Variants in MSRA observed in about 807,000 individuals in gnomAD.
MSRA encodes the protein mitochondrial peptide methionine sulfoxide reductase.
MSRA carries 54 observed loss-of-function variants against 31.3 expected under a neutral mutation model. The ratio of observed to expected loss-of-function variants is 1.73; its 90% CI spans 1.39 to 2.17. MSRA has a LOEUF of 2.17. MSRA is among the 30% of genes most tolerant of loss of function. The pLI is 0.00. For missense variants in MSRA, 507 were observed against 300.9 expected (o/e 1.69, Z -5.07); for synonymous variants, 169 against 116.5 (o/e 1.45, Z -2.90).
Position 10,219,805 on chromosome 8 carries a change from C to CAAAAAAAAAAAAAA in MSRA, c.211+11904_211+11905insAAAAAAAAAAAAAA, listed in dbSNP as rs202000887. Among the ~76,000 whole-genome samples, 6 of 46,072 alleles carry CAAAAAAAAAAAAAA rather than the reference C, an allele frequency of 1.3e-4. 1 individual carries two copies. Among genetic ancestry groups the CAAAAAAAAAAAAAA allele is most frequent in the African/African-American group, 1.0e-3 (6 of 6,000 alleles). The allele number at this position is 46,072 out of a possible 152,430, so 30.2% of individuals were successfully genotyped here. A position where few individuals can be genotyped will look rare whatever the true frequency, so the allele number is the denominator to read the frequency against. On this transcript the variant is annotated intron_variant, in intron 2 of 5. Coordinates refer to ENST00000317173, the MANE Select transcript of MSRA (RefSeq NM_012331.5). ...TGGACGACAGATCGAGACTCTGTCTCCAAAAAAAAAAAAAAAAAAAAAAGA... is the reference window on the plus strand; with the variant it reads ...TGGACGACAGATCGAGACTCTGTCTCAAAAAAAAAAAAAACAAAAAAAAAAAAAAAAAAAAAAGA...
intron 1 of MSRA, among the ~76,000 whole-genome samples, chr8:10,185,408 G>A (rs899359080): frequency 6.6e-6 from 1 of 152,142 alleles, no homozygotes; most frequent in African/African-American, 2.4e-5. Context: ...TAGGCAAAAC[G>A]ATCTGATGAT....
intron 1 of MSRA, among the ~76,000 whole-genome samples, chr8:10,071,458 C>CTTTTTTTTTTT (rs77512999): frequency 8.5e-5 from 11 of 129,264 alleles, no homozygotes; most frequent in Non-Finnish European, 1.1e-4. Flanking sequence ...TTTTAATTTT[C>CTTTTTTTTTTT]TTTTTTTTTT....
chr8:10,124,803 TAATTG>T (rs1428299903), intron 1 of MSRA, among the ~76,000 whole-genome samples: 1 of 134,760 alleles, frequency 7.4e-6, no homozygotes, highest in East Asian at 2.9e-4. Flanking sequence ...TCAGTAAAAA[TAATTG>T]AATTAAATTG....
intron 5 of MSRA, among the ~76,000 whole-genome samples, chr8:10,321,335 T>C (rs1802031065): frequency 6.6e-6 from 1 of 152,232 alleles, no homozygotes; most frequent in South Asian, 2.1e-4. Context: ...CCCCCAGGAA[T>C]GAGTGCAGAG....
intron 1 of MSRA, among the ~76,000 whole-genome samples, chr8:10,192,286 C>G (rs1807577608): frequency 6.6e-6 from 1 of 152,204 alleles, no homozygotes; most frequent in African/African-American, 2.4e-5. Flanking sequence ...AGAAGAGTAT[C>G]AGAATTTGTG....
At chr8:10,182,600 G>A (rs969821727) in intron 1 of MSRA, among the ~76,000 whole-genome samples, 7 of 152,066 alleles carry the variant, frequency 4.6e-5, no homozygotes, top group African/African-American at 1.7e-4. Context: ...CACATAGTAG[G>A]TATTTATGGG....
intron 5 of MSRA, among the ~76,000 whole-genome samples, chr8:10,322,610 G>A (rs1802108463): frequency 6.6e-6 from 1 of 152,130 alleles, no homozygotes; most frequent in African/African-American, 2.4e-5. Context: ...AGGAGCCATG[G>A]GCTGTTTCTG....
intron 5 of MSRA, among the ~76,000 whole-genome samples, chr8:10,320,777 G>C (rs188773114): frequency 1.4e-4 from 21 of 152,142 alleles, no homozygotes; most frequent in African/African-American, 4.8e-4. Context: ...TCTGTTCCAG[G>C]CCTCTCTCCT....
At chr8:10,223,807 T>C (rs1810738767) in intron 2 of MSRA, among the ~76,000 whole-genome samples, 2 of 152,140 alleles carry the variant, frequency 1.3e-5, no homozygotes, top group South Asian at 2.1e-4. Flanking sequence ...ACAAAAGATT[T>C]TGGGTGGGGA....
chr8:10,238,733 C>A (rs1360721439), intron 2 of MSRA, among the ~76,000 whole-genome samples: 1 of 152,076 alleles, frequency 6.6e-6, no homozygotes, highest in Non-Finnish European at 1.5e-5. Context: ...ACTGAATCCC[C>A]ACCTCACCCC....
At chr8:10,301,843 C>G (rs1800866625) in intron 4 of MSRA, among the ~76,000 whole-genome samples, 1 of 152,112 alleles carries the variant, frequency 6.6e-6, no homozygotes, top group Non-Finnish European at 1.5e-5. Flanking sequence ...GCGCCCCTGC[C>G]CCCCTTACAG....
At chr8:10,217,165 G>C (rs1285186654) in intron 2 of MSRA, among the ~76,000 whole-genome samples, 1 of 152,140 alleles carries the variant, frequency 6.6e-6, no homozygotes, top group African/African-American at 2.4e-5. Context: ...CACGTTTGGG[G>C]GAATCACACA....
At chr8:10,271,231 T>C (rs1799020069) in intron 3 of MSRA, among the ~76,000 whole-genome samples, 1 of 152,192 alleles carries the variant, frequency 6.6e-6, no homozygotes, top group Non-Finnish European at 1.5e-5. Context: ...GCATCCAGTT[T>C]ACAGGAAGCA....
chr8:10,162,577 G>A (rs1446841650), intron 1 of MSRA, among the ~76,000 whole-genome samples: 2 of 152,160 alleles, frequency 1.3e-5, no homozygotes, highest in African/African-American at 4.8e-5. Flanking sequence ...GGCTACCATG[G>A]GGGTCCAGGG....
intron 5 of MSRA, among the ~76,000 whole-genome samples, chr8:10,359,723 G>T (rs981138129): frequency 1.3e-5 from 2 of 151,898 alleles, no homozygotes; most frequent in Admixed American, 1.3e-4. Flanking sequence ...ATGGAGGATG[G>T]TCTCAGATGG....
Position 10,337,819 on chromosome 8 carries a change from T to C in MSRA, c.543+17830T>C, listed in dbSNP as rs1803151620. 1.0e-5 allele frequency: 7 copies of C among 702,546 alleles called. No homozygotes were observed. In the East Asian group the frequency reaches 1.9e-4, roughly 19 times the overall value. The allele number at this position is 702,546 out of a possible 1,614,324, so 43.5% of individuals were successfully genotyped here. ...GAAAACATTATTAAAGCAATATTAT[T>C]AGTATGCAGCAAGGTGCCTTCTTTC... On this transcript the variant is annotated intron_variant, in intron 5 of 5. Transcript: ENST00000317173.
At chr8:10,264,165 T>C (rs774350089) in intron 3 of MSRA, among the ~76,000 whole-genome samples, 20 of 152,214 alleles carry the variant, frequency 1.3e-4, no homozygotes, top group Non-Finnish European at 2.4e-4. Flanking sequence ...AGCCAGTCTT[T>C]TTGTGAAAGT....
At chr8:10,292,976 G>C (rs976539999) in intron 3 of MSRA, among the ~76,000 whole-genome samples, 1 of 152,214 alleles carries the variant, frequency 6.6e-6, no homozygotes, top group African/African-American at 2.4e-5. Context: ...AGGGGACAGA[G>C]ATGACAGGTG....
chr8:10,295,388 C>T (rs1047116431), intron 3 of MSRA, among the ~76,000 whole-genome samples: 4 of 152,100 alleles, frequency 2.6e-5, no homozygotes, highest in African/African-American at 7.2e-5. Context: ...GCTCTGCTCT[C>T]GTTCTTACTC....
Sources: gnomAD v4.1 joint callset for allele counts (sites outside exome capture counted in the v4.1 genomes callset) on GRCh38, gnomAD v4.1.1 for gene constraint, MANE v1.5 for transcripts, NCBI Gene and HGNC (gene_info 2026-07-23, HGNC 2026-07-21) for gene names.